MRTFB: variants seen among roughly 807,000 people sequenced by gnomAD.
MRTFB encodes the protein myocardin-related transcription factor B.
Under a neutral mutation model 104.2 loss-of-function variants are expected in MRTFB, and 29 were observed. The ratio of observed to expected loss-of-function variants is 0.28; its 90% CI spans 0.21 to 0.38. The LOEUF (loss-of-function observed/expected upper bound fraction) is 0.38, where lower values mean the gene tolerates loss of function less well. MRTFB is among the 10% of genes least tolerant of loss of function. The pLI is 1.00. For missense variants in MRTFB, 1,270 were observed against 1,341.6 expected, an observed-to-expected ratio of 0.95 and a Z score of 0.83; for synonymous variants, 535 against 519.5, an observed-to-expected ratio of 1.03 and a Z score of -0.41.
intron 2 of MRTFB, among the ~76,000 whole-genome samples, chr16:14,084,555 GATAA>G (rs909373779): frequency 2.0e-5 from 3 of 152,142 alleles, no homozygotes; most frequent in East Asian, 1.9e-4. Context: ...AAATTAAAAA[GATAA>G]ATAAAGAAGC....
the MRTFB span, among the ~76,000 whole-genome samples, chr16:14,008,367 G>T: frequency 6.6e-6 from 1 of 152,122 alleles, no homozygotes; most frequent in Non-Finnish European, 1.5e-5. Flanking sequence ...GATCCATTTT[G>T]AATTAGTTTT....
the MRTFB span, among the ~76,000 whole-genome samples, chr16:14,000,311 A>G: frequency 6.6e-6 from 1 of 152,186 alleles, no homozygotes; most frequent in Non-Finnish European, 1.5e-5. Flanking sequence ...CGCATAGGTC[A>G]TTGATTTACA....
intron 2 of MRTFB, chr16:14,092,657 A>T (rs867330277): frequency 6.6e-6 from 1 of 152,224 alleles, no homozygotes; most frequent in Non-Finnish European, 1.5e-5. Context: ...GGTGATAAAG[A>T]CAGATTCTAT....
At chr16:14,116,241 T>A (rs773991236) in intron 2 of MRTFB, among the ~76,000 whole-genome samples, 21 of 152,124 alleles carry the variant, frequency 1.4e-4, no homozygotes, top group African/African-American at 4.8e-5. Context: ...CTGTCTGAAA[T>A]AGCTTCTTTA....
intron 9 of MRTFB, among the ~76,000 whole-genome samples, chr16:14,238,689 T>C (rs1463384083): frequency 2.0e-5 from 3 of 152,174 alleles, no homozygotes; most frequent in Non-Finnish European, 2.9e-5. Context: ...TAAAGTTATG[T>C]TGAAGAAAGT....
At chr16:14,068,624 G>A (rs1490102298), upstream of MRTFB, among the ~76,000 whole-genome samples, 4 of 152,086 alleles carry the variant, frequency 2.6e-5, no homozygotes, top group African/African-American at 9.7e-5. Flanking sequence ...TGTTGGGCAT[G>A]TCCTCTCACC....
the MRTFB span, among the ~76,000 whole-genome samples, chr16:14,061,516 T>C: frequency 6.6e-6 from 1 of 151,008 alleles, no homozygotes; most frequent in South Asian, 2.1e-4. Flanking sequence ...ACAGCAAATA[T>C]GGAGCAGGAT....
intron 2 of MRTFB, among the ~76,000 whole-genome samples, chr16:14,139,690 T>G (rs2037898425): frequency 6.6e-6 from 1 of 152,208 alleles, no homozygotes; most frequent in South Asian, 2.1e-4. Context: ...CGGGAGCATT[T>G]GTAGCATCCT....
intron 3 of MRTFB, among the ~76,000 whole-genome samples, chr16:14,197,603 A>G (rs2040497354): frequency 6.6e-6 from 1 of 152,220 alleles, no homozygotes; most frequent in African/African-American, 2.4e-5. Context: ...ACTCAGTTAT[A>G]TGCTCTAAGT....
At chr16:14,041,177 G>A in the MRTFB span, among the ~76,000 whole-genome samples, 2 of 151,900 alleles carry the variant, frequency 1.3e-5, no homozygotes, top group African/African-American at 2.4e-5. Context: ...GGGGAGGGGA[G>A]GATTTTAAAT....
chr16:14,083,021 A>C (rs2034502907), intron 2 of MRTFB, among the ~76,000 whole-genome samples: 1 of 152,118 alleles, frequency 6.6e-6, no homozygotes, highest in African/African-American at 2.4e-5. Flanking sequence ...TTGTGTCTTC[A>C]ATTTCTTTCA....
intron 3 of MRTFB, among the ~76,000 whole-genome samples, chr16:14,181,179 G>A (rs1441190569): frequency 2.0e-5 from 3 of 152,096 alleles, no homozygotes; most frequent in Non-Finnish European, 4.4e-5. Context: ...CACTCTTTAA[G>A]TGTTCTTTGT....
chr16:13,999,553 G>A, the MRTFB span, among the ~76,000 whole-genome samples: 1 of 152,020 alleles, frequency 6.6e-6, no homozygotes. Context: ...CTTTTGCATG[G>A]GAGCCATCAG....
At chr16:14,008,803 A>G in the MRTFB span, among the ~76,000 whole-genome samples, 2 of 152,198 alleles carry the variant, frequency 1.3e-5, no homozygotes, top group Non-Finnish European at 2.9e-5. Context: ...TTTTCCATCT[A>G]TAAACATGGG....
rs1157109804 is a variant in MRTFB, at chr16:14,266,648, TTA to T, written c.*5208_*5209del. 6.6e-6 allele frequency: 1 copy of T among 152,264 alleles called. No homozygotes were observed. The highest frequency in any genetic ancestry group is 1.9e-4 in the East Asian group (1 of 5,198). The allele number at this position is 152,264 out of a possible 1,614,324, so 9.4% of individuals were successfully genotyped here. On this transcript the variant is annotated 3_prime_UTR_variant, in exon 17 of 17. Transcript: ENST00000571589. The stretch of plus-strand genomic sequence containing the variant: ...TACATAAGTAATGCATACTGTATTT[TTA>T]TATGTGTGCACATTTATCATCAGAT...
chr16:14,008,339 G>A, the MRTFB span, among the ~76,000 whole-genome samples: 2 of 151,872 alleles, frequency 1.3e-5, no homozygotes, highest in Non-Finnish European at 2.9e-5. Context: ...TAGTTTTAAT[G>A]CTTGCATTTA....
intron 15 of MRTFB, among the ~76,000 whole-genome samples, chr16:14,255,360 T>G (rs1411335531): frequency 6.6e-6 from 1 of 152,048 alleles, no homozygotes; most frequent in Non-Finnish European, 1.5e-5. Context: ...ACAGAGAAAA[T>G]CTTAAATGCA....
At chr16:14,036,296 T>TATATATA in the MRTFB span, among the ~76,000 whole-genome samples, 9 of 98,316 alleles carry the variant, frequency 9.2e-5, no homozygotes, top group Admixed American at 6.9e-4. Context: ...TTATATATAT[T>TATATATA]TATATATATA....
chr16:14,219,541 G>A (rs964974209), intron 8 of MRTFB, among the ~76,000 whole-genome samples: 2 of 152,176 alleles, frequency 1.3e-5, no homozygotes, highest in African/African-American at 4.8e-5. Flanking sequence ...AGCAGAAAAT[G>A]TTCTTGATAA....
Sources: allele counts gnomAD v4.1 joint callset (sites outside exome capture counted in the v4.1 genomes callset), GRCh38; gene constraint gnomAD v4.1.1; transcripts MANE v1.5; gene names NCBI Gene and HGNC (gene_info 2026-07-23, HGNC 2026-07-21).